LAMA2: variants seen among roughly 807,000 people sequenced by gnomAD.
LAMA2 encodes laminin subunit alpha 2.
Under a neutral mutation model 364.8 loss-of-function variants are expected in LAMA2, and 269 were observed. The ratio of observed to expected loss-of-function variants is 0.74; its 90% CI spans 0.67 to 0.82. LAMA2 has a LOEUF of 0.82. LAMA2 is among the 40% of genes least tolerant of loss of function. The pLI is 0.00. For missense variants in LAMA2, 3,807 were observed against 3,873.2 expected (o/e 0.98, Z 0.45); for synonymous variants, 1,379 against 1,370.6 (o/e 1.01, Z -0.14).
chr6:129,265,884 T>C (rs79875611), intron 15 of LAMA2, among the ~76,000 whole-genome samples: 15,292 of 152,088 alleles, frequency 0.1, 2,540 homozygotes, highest in African/African-American at 0.35. Context: ...GAAAACAAAT[T>C]TGACACTTTT....
At chr6:129,020,413 G>A (rs1376562065) in intron 1 of LAMA2, among the ~76,000 whole-genome samples, 1 of 152,150 alleles carries the variant, frequency 6.6e-6, no homozygotes, top group East Asian at 1.9e-4. Flanking sequence ...CATGTACCTG[G>A]AAGGCAACAA....
At position 129,316,077 on chromosome 6, in the gene LAMA2, A is replaced by G; in HGVS notation, c.3964A>G (p.Arg1322Gly). The change falls in exon 27 of 65, where the codon AGA (arginine) becomes GGA (glycine). Residue 1322 changes from arginine to glycine, a missense_variant. Coordinates refer to ENST00000421865, the MANE Select transcript of LAMA2 (RefSeq NM_000426.4). ...KYYGDDPRVH[R>G]TVTREDFLDI... ...TTATGGGGATGATCCTCGAGTCCATAGAACTGTGACCCGAGAAGACTTCTT... is the reference window on the plus strand; with the variant it reads ...TTATGGGGATGATCCTCGAGTCCATGGAACTGTGACCCGAGAAGACTTCTT... 6.2e-7 allele frequency: 1 copy of G among 1,612,946 alleles called. No homozygotes were observed. The highest frequency in any genetic ancestry group is 1.1e-5 in the South Asian group (1 of 91,054).
intron 4 of LAMA2, among the ~76,000 whole-genome samples, chr6:129,113,135 A>G (rs1468606864): frequency 6.6e-6 from 1 of 152,046 alleles, no homozygotes; most frequent in Non-Finnish European, 1.5e-5. Context: ...TATACAATGC[A>G]TCCTGTTTTA....
At chr6:129,239,554 T>C (rs192323767) in intron 12 of LAMA2, among the ~76,000 whole-genome samples, 1 of 152,152 alleles carries the variant, frequency 6.6e-6, no homozygotes, top group Non-Finnish European at 1.5e-5. Context: ...TCAGATCTAG[T>C]CCAATGTCTC....
In LAMA2 at chr6:129,267,154, A is replaced by T. The variant is rs758410015; in HGVS notation, c.2257A>T (p.Ile753Phe). The change falls in exon 16 of 65, where the codon ATC becomes TTC. Residue 753 changes from isoleucine to phenylalanine, a missense_variant. By Grantham distance (21) the Ile-to-Phe change is conservative (BLOSUM62 0). Transcript: ENST00000421865. ...RRVNGTIFGGICEPCQCFGHA... is the reference protein window; with the variant it reads ...RRVNGTIFGGFCEPCQCFGHA... ...AGTTAACGGCACTATTTTTGGTGGC[A>T]TCTGTGAGCCATGTCAGTGCTTTGG... 1 of 1,613,466 alleles carries T rather than the reference A, an allele frequency of 6.2e-7. No homozygotes were observed. The highest frequency in any genetic ancestry group is 1.7e-5 in the Admixed American group (1 of 59,976).
At chr6:129,308,560 T>G (rs1012755133) in intron 22 of LAMA2, among the ~76,000 whole-genome samples, 6 of 149,474 alleles carry the variant, frequency 4.0e-5, no homozygotes. Flanking sequence ...GTTGACTGAA[T>G]TTTTTGATTA....
At position 128,883,230 on chromosome 6, in the gene LAMA2, G is replaced by C. The variant is rs1390936579; in HGVS notation, c.-16G>C. 1.3e-6 allele frequency: 2 copies of C among 1,548,130 alleles called. No homozygotes were observed. Among genetic ancestry groups the C allele is most frequent in the Non-Finnish European group, 1.7e-6 (2 of 1,147,098 alleles). ...CCTCTGGCTCCCGAGAAGTGGATCC[G>C]GTCGCGGCCACTACGATGCCGGGAG... On this transcript the variant is annotated 5_prime_UTR_variant, in exon 1 of 65. Transcript: ENST00000421865.
At position 129,475,535 on chromosome 6, in the gene LAMA2, G is replaced by A. The variant is rs996056942; in HGVS notation, c.7451+134G>A. 84 of 631,436 alleles carry A rather than the reference G, an allele frequency of 1.3e-4. 1 individual carries two copies. Among genetic ancestry groups the A allele is most frequent in the Non-Finnish European group, 2.1e-4 (75 of 359,980 alleles). The allele number at this position is 631,436 out of a possible 1,614,324, so 39.1% of individuals were successfully genotyped here. On this transcript the variant is annotated intron_variant, in intron 53 of 64. Transcript: ENST00000421865. ...TCATAGTATGTTTCACGAGCAAGCC[G>A]TGCATTCTGTGAGAGTTCTCCTGCT...
chr6:129,395,138 G>C (rs1382368145), intron 37 of LAMA2, among the ~76,000 whole-genome samples: 1 of 151,358 alleles, frequency 6.6e-6, no homozygotes, highest in African/African-American at 2.4e-5. Context: ...CTGGGGTTTG[G>C]CCCCATGTGT....
chr6:129,395,677 C>T (rs1377271221), intron 37 of LAMA2, among the ~76,000 whole-genome samples: 1 of 152,316 alleles, frequency 6.6e-6, no homozygotes, highest in African/African-American at 2.4e-5. Context: ...ACTCCATACG[C>T]TACCATAATT....
intron 1 of LAMA2, among the ~76,000 whole-genome samples, chr6:128,901,075 T>C (rs979822396): frequency 2.6e-5 from 4 of 152,208 alleles, no homozygotes; most frequent in African/African-American, 7.2e-5. Context: ...GAAGATTACT[T>C]GAACCCGGGA....
intron 12 of LAMA2, among the ~76,000 whole-genome samples, chr6:129,232,905 T>A (rs761075694): frequency 2.8e-4 from 43 of 152,106 alleles, no homozygotes; most frequent in Non-Finnish European, 5.4e-4. Flanking sequence ...CATTCATCAT[T>A]TCTGGCTTTA....
intron 49 of LAMA2, among the ~76,000 whole-genome samples, 176 bp downstream of exon 49, chr6:129,460,500 C>T (rs1013179124): frequency 6.6e-6 from 1 of 152,070 alleles, no homozygotes; most frequent in Admixed American, 6.6e-5. Flanking sequence ...TGCATTTGCA[C>T]AGGCATTTTT....
At chr6:129,046,611 G>A (rs1037035909) in intron 1 of LAMA2, among the ~76,000 whole-genome samples, 1 of 152,190 alleles carries the variant, frequency 6.6e-6, no homozygotes, top group African/African-American at 2.4e-5. Flanking sequence ...TAGGGACACA[G>A]CCAAACCATA....
intron 34 of LAMA2, among the ~76,000 whole-genome samples, chr6:129,372,846 G>A (rs1778163750): frequency 6.6e-6 from 1 of 152,108 alleles, no homozygotes; most frequent in Non-Finnish European, 1.5e-5. Flanking sequence ...ATTCTAATAA[G>A]TGTGTATGGT....
At chr6:129,384,703 C>T (rs756623401) in intron 35 of LAMA2, among the ~76,000 whole-genome samples, 46 of 152,166 alleles carry the variant, frequency 3.0e-4, no homozygotes, top group Non-Finnish European at 6.3e-4. Context: ...AGATTTATCC[C>T]AGGCTTGCTC....
chr6:129,362,488 C>T (rs1048228489), intron 32 of LAMA2, among the ~76,000 whole-genome samples: 2 of 152,160 alleles, frequency 1.3e-5, no homozygotes, highest in African/African-American at 2.4e-5. Flanking sequence ...TACTTGGGCA[C>T]ATGCCATGCT....
chr6:129,126,293 T>A (rs1364006681), intron 4 of LAMA2, among the ~76,000 whole-genome samples: 1 of 152,214 alleles, frequency 6.6e-6, no homozygotes, highest in African/African-American at 2.4e-5. Context: ...TGAACATCTG[T>A]TTGACAAATT....
At chr6:129,490,278 C>T (rs908173553) in intron 56 of LAMA2, among the ~76,000 whole-genome samples, 1 of 152,124 alleles carries the variant, frequency 6.6e-6, no homozygotes, top group Non-Finnish European at 1.5e-5. Flanking sequence ...ATGAAATGGA[C>T]CTGAGCATGA....
Sources: gnomAD v4.1 joint callset for allele counts (sites outside exome capture counted in the v4.1 genomes callset) on GRCh38, gnomAD v4.1.1 for gene constraint, MANE v1.5 for transcripts, NCBI Gene and HGNC (gene_info 2026-07-23, HGNC 2026-07-21) for gene names.